Variants in BSN observed in about 807,000 individuals in gnomAD.
BSN encodes the protein protein bassoon.
In BSN, 57 loss-of-function variants were observed where a neutral mutation model predicts 264.8. The observed-to-expected ratio is 0.22, with a 90% CI of 0.17 to 0.27. The LOEUF is 0.27. Ranked by LOEUF, BSN falls within the 10% of genes least tolerant of loss-of-function variation. The pLI is 1.00. For synonymous variants in BSN, 2,059 were observed against 2,137.3 expected (o/e 0.96, Z 1.01); for missense variants, 4,615 against 5,232.5 (o/e 0.88, Z 3.64).
intron 8 of BSN, 85 bp downstream of exon 8, chr3:49,663,971 C>T: frequency 7.8e-7 from 1 of 1,279,574 alleles, no homozygotes; most frequent in Non-Finnish European, 1.1e-6. Flanking sequence ...CTGAGCTCCC[C>T]CACACTGCAT....
At position 49,654,187 on chromosome 3, in the gene BSN, G is replaced by A. The variant is rs1304246578; in HGVS notation, c.4631G>A (p.Arg1544His). The A allele has an allele frequency of 3.1e-6, 5 of 1,613,844 alleles. No homozygotes were observed. The highest frequency in any genetic ancestry group is 1.6e-4 in the Middle Eastern group (1 of 6,082). ...ACACCACATCGACCCAGCACGCCTC[G>A]CCTGGTGTGGCAGGAGTCCTCTCAA... ...TQTPHRPSTP[R>H]LVWQESSQEA... is the part of the protein sequence containing the mutation. Residue 1544 changes from arginine (R) to histidine (H), a missense_variant, in exon 5 of 12, where the codon CGC becomes CAC. This residue lies in a region of BSN where 3,415 missense variants were observed against 3,866.4 expected (regional missense o/e 0.88). Transcript: ENST00000296452. The surrounding 1 kb of genome is among the most constrained non-coding windows in gnomAD (Gnocchi z 4.1).
At chr3:49,645,777 G>C (rs781054722) in intron 3 of BSN, among the ~76,000 whole-genome samples, 3 of 152,190 alleles carry the variant, frequency 2.0e-5, no homozygotes, top group Non-Finnish European at 4.4e-5. Context: ...TTGGTTAGAG[G>C]TTTCTGATTT....
At chr3:49,594,004 G>A (rs150199344) in intron 1 of BSN, among the ~76,000 whole-genome samples, 86 of 151,960 alleles carry the variant, frequency 5.7e-4, no homozygotes, top group African/African-American at 1.8e-3. Context: ...GGGTTTCACC[G>A]TGTTAGCCAG....
At chr3:49,664,363 T>G in intron 8 of BSN, 60 bp from the exon 9 acceptor site, 1 of 1,611,892 alleles carries the variant, frequency 6.2e-7, no homozygotes, top group Non-Finnish European at 8.5e-7. Context: ...GTACTTGCCC[T>G]CTTAGACCCT....
intron 2 of BSN, among the ~76,000 whole-genome samples, chr3:49,627,627 G>A (rs2052350986): frequency 6.6e-6 from 1 of 152,132 alleles, no homozygotes; most frequent in South Asian, 2.1e-4. Context: ...CTTCTAACTT[G>A]ATGTTATGTC....
At chr3:49,614,773 C>T (rs2052246732) in intron 1 of BSN, among the ~76,000 whole-genome samples, 2 of 152,192 alleles carry the variant, frequency 1.3e-5, no homozygotes, top group Non-Finnish European at 2.9e-5. Context: ...TTATGTTACC[C>T]TTATTTCCTA....
At chr3:49,602,939 G>A (rs971531180) in intron 1 of BSN, among the ~76,000 whole-genome samples, 1 of 152,240 alleles carries the variant, frequency 6.6e-6, no homozygotes, top group Non-Finnish European at 1.5e-5. Context: ...AGTGAAGGGA[G>A]AGGTGTGCTG....
intron 3 of BSN, among the ~76,000 whole-genome samples, chr3:49,644,292 A>G (rs1230289905): frequency 6.6e-6 from 1 of 152,056 alleles, no homozygotes; most frequent in Non-Finnish European, 1.5e-5. Context: ...CGGAGTGCAA[A>G]CCACCACTGG....
intron 1 of BSN, among the ~76,000 whole-genome samples, chr3:49,617,233 G>A (rs866848951): frequency 2.7e-5 from 4 of 149,954 alleles, no homozygotes; most frequent in East Asian, 1.9e-4. Flanking sequence ...AAACCTGCAC[G>A]TTCTGCACAT....
At chr3:49,574,112 G>A (rs1339013787) in intron 1 of BSN, among the ~76,000 whole-genome samples, 1 of 147,976 alleles carries the variant, frequency 6.8e-6, no homozygotes, top group Non-Finnish European at 1.5e-5. Flanking sequence ...GCCACATCTG[G>A]CTAATTTTTG....
In BSN at chr3:49,658,131, ACCG is replaced by A. The variant is rs749984033; in HGVS notation, c.8579_8581del (p.Ala2860del). On this transcript the variant is annotated inframe_deletion, in exon 5 of 12. Coordinates refer to ENST00000296452, the MANE Select transcript of BSN (RefSeq NM_003458.4). The stretch of plus-strand genomic sequence containing the variant: ...GTCTGACCCTAAGCCCCTCAGCCCC[ACCG>A]CCGAAGAGTCTGCCAAAGAGAGATT... 1.7e-5 allele frequency: 28 copies of A among 1,607,928 alleles called. No homozygotes were observed. The highest frequency in any genetic ancestry group is 2.4e-5 in the Non-Finnish European group (28 of 1,176,744).
chr3:49,642,502 C>A lies in BSN; in HGVS notation c.868C>A (p.Pro290Thr), dbSNP rs764287938. The A allele has an allele frequency of 1.1e-5, 17 of 1,567,604 alleles. 1 individual carries two copies. Among genetic ancestry groups the A allele is most frequent in the Middle Eastern group, 3.4e-4 (2 of 5,846 alleles). ...ETARATSVPGPAQAAAPPEVG... is the reference protein window; with the variant it reads ...ETARATSVPGTAQAAAPPEVG... ...AGCCAGGGCCACCTCAGTGCCGGGGCCTGCCCAAGCAGCTGCCCCTCCAGA... is the reference window on the plus strand; with the variant it reads ...AGCCAGGGCCACCTCAGTGCCGGGGACTGCCCAAGCAGCTGCCCCTCCAGA... The change falls in exon 3 of 12, where the codon CCT becomes ACT. Residue 290 changes from proline to threonine, a missense_variant. Pro to Thr is a conservative substitution (Grantham distance 38). Coordinates refer to ENST00000296452, the MANE Select transcript of BSN (RefSeq NM_003458.4). This position sits in a 1 kb window ranked among gnomAD's most constrained non-coding sequence, Gnocchi z 7.0.
intron 3 of BSN, among the ~76,000 whole-genome samples, chr3:49,644,494 C>T (rs2052491353): frequency 2.0e-5 from 3 of 152,210 alleles, no homozygotes. Context: ...GACAACTGAC[C>T]TCCTCATGTG....
In BSN at chr3:49,660,843, C is replaced by T; in HGVS notation, c.8998C>T (p.Pro3000Ser). 1 of 1,613,222 alleles carries T rather than the reference C, an allele frequency of 6.2e-7. No individual in the cohort carries two copies. Among genetic ancestry groups the T allele is most frequent in the Admixed American group, 1.7e-5 (1 of 60,030 alleles). Residue 3000 changes from proline (P) to serine (S), a missense_variant, in exon 6 of 12, where the codon CCA becomes TCA. Physicochemically the swap from Pro to Ser is moderately conservative, Grantham distance 74. Coordinates refer to ENST00000296452, the MANE Select transcript of BSN (RefSeq NM_003458.4). The surrounding 1 kb of genome is among the most constrained non-coding windows in gnomAD (Gnocchi z 7.1). ...CAAAGACCGGGGTGGCCGTGACTACCCACCCTTGCGTGGTCTTGGCGAGCA... is the reference window on the plus strand; with the variant it reads ...CAAAGACCGGGGTGGCCGTGACTACTCACCCTTGCGTGGTCTTGGCGAGCA... ...LAKDRGGRDY[P>S]PLRGLGEHRD...
intron 1 of BSN, among the ~76,000 whole-genome samples, chr3:49,605,224 C>G (rs1418077742): frequency 3.0e-5 from 4 of 133,582 alleles, no homozygotes; most frequent in African/African-American, 5.7e-5. Flanking sequence ...CCATTGCACT[C>G]CAGCCTGGGC....
At chr3:49,587,887 T>TTTTTTCTTTTCTTTTCTTTTCTTTTC (rs528313492) in intron 1 of BSN, among the ~76,000 whole-genome samples, 8 of 121,612 alleles carry the variant, frequency 6.6e-5, no homozygotes, top group South Asian at 3.1e-4. Flanking sequence ...AAAGTTGGGG[T>TTTTTTCTTTTCTTTTCTTTTCTTTTC]TTTTCTTTTC....
chr3:49,598,879 G>C (rs535501702), intron 1 of BSN, among the ~76,000 whole-genome samples: 2 of 152,138 alleles, frequency 1.3e-5, no homozygotes, highest in Non-Finnish European at 2.9e-5. Flanking sequence ...TAGAAAAGAA[G>C]AAATAAAACT....
chr3:49,664,620 G>T, intron 9 of BSN, 66 bp downstream of exon 9: 1 of 1,547,232 alleles, frequency 6.5e-7, no homozygotes, highest in Non-Finnish European at 8.7e-7. Flanking sequence ...TCTGTGAGAT[G>T]ATTCCAGACT....
chr3:49,599,317 G>A (rs1227333564), intron 1 of BSN, among the ~76,000 whole-genome samples: 3 of 152,180 alleles, frequency 2.0e-5, no homozygotes, highest in African/African-American at 7.2e-5. Flanking sequence ...GGGGTTGACA[G>A]TGACCCCAAG....
Sources: gnomAD v4.1 joint callset for allele counts (sites outside exome capture counted in the v4.1 genomes callset) on GRCh38, gnomAD v4.1.1 for gene constraint, gnomAD v4.1.1 regional missense constraint, Gnocchi (gnomAD v3.1) non-coding constraint, MANE v1.5 for transcripts, NCBI Gene and HGNC (gene_info 2026-07-23, HGNC 2026-07-21) for gene names.